TAAR5: variants seen among roughly 807,000 people sequenced by gnomAD.
TAAR5 encodes trace amine-associated receptor 5.
TAAR5 carries 27 observed loss-of-function variants against 21.1 expected under a neutral mutation model. The observed-to-expected ratio is 1.28, with a 90% confidence interval of 0.94 to 1.76. The LOEUF (loss-of-function observed/expected upper bound fraction) is 1.76. TAAR5 is among the 40% of genes most tolerant of loss of function. The pLI, the probability that TAAR5 is intolerant of heterozygous loss-of-function variation, is 0.00. For missense variants in TAAR5, 495 were observed against 405.6 expected (o/e 1.22, Z -1.89); for synonymous variants, 203 against 167.5 (o/e 1.21, Z -1.64).
upstream of TAAR5, among the ~76,000 whole-genome samples, chr6:132,592,409 C>A (rs970005985): frequency 2.0e-5 from 3 of 152,220 alleles, no homozygotes; most frequent in Non-Finnish European, 1.5e-5. Context: ...CTTTCTATAG[C>A]CTGTTGTCTA....
At chr6:132,597,623 C>T in the TAAR5 span, among the ~76,000 whole-genome samples, 1 of 152,156 alleles carries the variant, frequency 6.6e-6, no homozygotes, top group Non-Finnish European at 1.5e-5. Flanking sequence ...TCACTTTTTT[C>T]ATGGGATATT....
chr6:132,597,342 G>A, the TAAR5 span, among the ~76,000 whole-genome samples: 1 of 152,050 alleles, frequency 6.6e-6, no homozygotes, highest in Non-Finnish European at 1.5e-5. Flanking sequence ...AATTGTTAAG[G>A]TAATGTCAAA....
At chr6:132,590,751 A>G (rs1776894458), upstream of TAAR5, among the ~76,000 whole-genome samples, 1 of 152,238 alleles carries the variant, frequency 6.6e-6, no homozygotes, top group Non-Finnish European at 1.5e-5. Flanking sequence ...ACTTACCCTG[A>G]CAATTAATTA....
In TAAR5 at chr6:132,588,698, C is replaced by G; in HGVS notation, c.989G>C (p.Arg330Pro). ...TCATTCTTGGTACAAATCAACAGTG[C>G]GTGTCTGCGGTGAGAAGACCTTCTG... is the stretch of plus-strand genomic sequence containing the variant. ...LSQKVFSPQT[R>P]TVDLYQE The change falls in exon 1 of 1, where the codon CGC becomes CCC. Residue 330 changes from arginine to proline, a missense_variant. By Grantham distance (103) the Arg-to-Pro change is moderately radical (BLOSUM62 -2). Coordinates refer to ENST00000258034, the MANE Select transcript of TAAR5 (RefSeq NM_003967.3). The G allele has an allele frequency of 1.2e-6, 2 of 1,613,042 alleles. No individual in the cohort carries two copies. The highest frequency in any genetic ancestry group is 1.1e-5 in the South Asian group (1 of 90,866).
At chr6:132,591,619 G>T (rs1776908893), upstream of TAAR5, among the ~76,000 whole-genome samples, 1 of 152,134 alleles carries the variant, frequency 6.6e-6, no homozygotes. Context: ...AACCCCTTTA[G>T]CTTAAAAGTC....
At chr6:132,602,148 C>T in the TAAR5 span, among the ~76,000 whole-genome samples, 4 of 151,984 alleles carry the variant, frequency 2.6e-5, no homozygotes, top group Admixed American at 1.3e-4. Context: ...CATCCCCAAC[C>T]TTTTTGGCAC....
upstream of TAAR5, among the ~76,000 whole-genome samples, chr6:132,592,274 C>T (rs1464814688): frequency 2.0e-5 from 3 of 152,176 alleles, no homozygotes; most frequent in Non-Finnish European, 2.9e-5. Flanking sequence ...AAATTACCGC[C>T]AACTTTAACA....
At position 132,588,803 on chromosome 6, in the gene TAAR5, T is replaced by C. The variant is rs781532904; in HGVS notation, c.884A>G (p.Tyr295Cys). The stretch of plus-strand genomic sequence containing the variant: ...GATGGGGTTGCAGGCTGAGTTGAAG[T>C]AAGCAAACCAGATAAAGATGTCAAA... ...LVFDIFIWFA[Y>C]FNSACNPIIY... The change falls in exon 1 of 1, where the codon TAC becomes TGC. Residue 295 changes from tyrosine (Y) to cysteine (C), a missense_variant. By Grantham distance (194) the Tyr-to-Cys change is radical. Coordinates refer to ENST00000258034, the MANE Select transcript of TAAR5 (RefSeq NM_003967.3). 6 of 1,613,926 alleles carry C rather than the reference T, an allele frequency of 3.7e-6. No homozygotes were observed. In the East Asian group the frequency reaches 8.9e-5, roughly 24 times the overall value.
chr6:132,608,498 C>T, the TAAR5 span: 1 of 454,910 alleles, frequency 2.2e-6, no homozygotes, highest in Non-Finnish European at 4.4e-6. Flanking sequence ...ACCCCCATTA[C>T]TATACCCAGT....
At chr6:132,610,304 G>A in the TAAR5 span, among the ~76,000 whole-genome samples, 1 of 152,110 alleles carries the variant, frequency 6.6e-6, no homozygotes, top group Non-Finnish European at 1.5e-5. Flanking sequence ...TCTGCTTAGT[G>A]GGCCACAGAA....
chr6:132,593,435 C>T (rs1776934391), upstream of TAAR5, among the ~76,000 whole-genome samples: 1 of 152,194 alleles, frequency 6.6e-6, no homozygotes, highest in Non-Finnish European at 1.5e-5. Context: ...ACTTTTAATA[C>T]AGACAGCAAG....
At chr6:132,606,046 C>A in the TAAR5 span, among the ~76,000 whole-genome samples, 1 of 152,160 alleles carries the variant, frequency 6.6e-6, no homozygotes, top group East Asian at 1.9e-4. Flanking sequence ...TAAGTGGGAG[C>A]TAAACATTGG....
chr6:132,600,927 GGGAA>G, the TAAR5 span, among the ~76,000 whole-genome samples: 1 of 76,774 alleles, frequency 1.3e-5, no homozygotes, highest in Non-Finnish European at 2.2e-5. Flanking sequence ...GAAGGAAGGA[GGGAA>G]GGAGGGAAGG....
the TAAR5 span, among the ~76,000 whole-genome samples, chr6:132,614,950 G>A: frequency 2.6e-5 from 4 of 152,104 alleles, no homozygotes; most frequent in South Asian, 8.3e-4. Flanking sequence ...TGCAACCTCC[G>A]CGTCCTGGGT....
chr6:132,599,879 G>A, the TAAR5 span, among the ~76,000 whole-genome samples: 4 of 152,102 alleles, frequency 2.6e-5, no homozygotes, highest in Non-Finnish European at 5.9e-5. Context: ...GTCCAGTCAG[G>A]AGAATAGAAT....
At position 132,589,228 on chromosome 6, in the gene TAAR5, C is replaced by T; in HGVS notation, c.459G>A (p.Arg153=). ...PSKFTVRVAL[R]YILAGWGVPA... ...GCACCCCCCATCCTGCCAGGATGTA[C>T]CTGAGAGCCACCCTCACTGTGAACT... Residue 153 remains arginine (R), a synonymous_variant, in exon 1 of 1, where the codon AGG becomes AGA. Coordinates refer to ENST00000258034, the MANE Select transcript of TAAR5 (RefSeq NM_003967.3). The T allele has an allele frequency of 6.2e-7, 1 of 1,606,436 alleles. No homozygotes were observed. The highest frequency in any genetic ancestry group is 1.1e-5 in the South Asian group (1 of 89,242).
At chr6:132,613,545 C>A in the TAAR5 span, among the ~76,000 whole-genome samples, 2 of 152,164 alleles carry the variant, frequency 1.3e-5, no homozygotes, top group African/African-American at 2.4e-5. Context: ...CCCACTGGGA[C>A]CTTTTCCTTT....
the TAAR5 span, among the ~76,000 whole-genome samples, chr6:132,602,492 G>A: frequency 6.6e-6 from 1 of 152,138 alleles, no homozygotes; most frequent in African/African-American, 2.4e-5. Context: ...TGCTGCCACT[G>A]ATCTGACAGG....
the TAAR5 span, among the ~76,000 whole-genome samples, chr6:132,607,843 G>A: frequency 2.0e-5 from 3 of 152,124 alleles, no homozygotes; most frequent in Admixed American, 1.3e-4. Context: ...CCCACAGGTC[G>A]CATGATCTTC....
Sources: gnomAD v4.1 joint callset for allele counts (sites outside exome capture counted in the v4.1 genomes callset) on GRCh38, gnomAD v4.1.1 for gene constraint, MANE v1.5 for transcripts, NCBI Gene and HGNC (gene_info 2026-07-23, HGNC 2026-07-21) for gene names.